DPYD: variants seen among roughly 807,000 people sequenced by gnomAD.
The protein encoded by DPYD is dihydropyrimidine dehydrogenase, also known as dihydropyrimidine dehydrogenase [NADP(+)].
DPYD carries 109 observed loss-of-function variants against 116.2 expected under a neutral mutation model. The ratio of observed to expected loss-of-function variants is 0.94; its 90% CI spans 0.80 to 1.10. DPYD has a LOEUF of 1.10. Among genes scored for constraint, DPYD ranks in the 50% least tolerant of loss-of-function variants. The pLI, the probability that DPYD is intolerant of heterozygous loss-of-function variation, is 0.00. For synonymous variants in DPYD, 440 were observed against 432.0 expected, an observed-to-expected ratio of 1.02 and a Z score of -0.23; for missense variants, 1,302 against 1,254.5, an observed-to-expected ratio of 1.04 and a Z score of -0.57.
intron 3 of DPYD, among the ~76,000 whole-genome samples, chr1:97,789,284 A>C (rs1322388541): frequency 6.6e-6 from 1 of 152,226 alleles, no homozygotes; most frequent in African/African-American, 2.4e-5. Flanking sequence ...CTATCCATAT[A>C]TTACATATTT....
chr1:97,746,455 A>G (rs1204734629), intron 3 of DPYD, among the ~76,000 whole-genome samples: 2 of 152,132 alleles, frequency 1.3e-5, no homozygotes, highest in Non-Finnish European at 2.9e-5. Flanking sequence ...AACTTAGTAC[A>G]TATCACCTTT....
chr1:97,602,409 A>G (rs1655307966), intron 8 of DPYD, among the ~76,000 whole-genome samples: 1 of 152,000 alleles, frequency 6.6e-6, no homozygotes, highest in East Asian at 1.9e-4. Flanking sequence ...GGATGTGAAC[A>G]TATTCTTTAT....
intron 3 of DPYD, among the ~76,000 whole-genome samples, chr1:97,757,783 A>G (rs1665331336): frequency 6.6e-6 from 1 of 152,198 alleles, no homozygotes; most frequent in Non-Finnish European, 1.5e-5. Flanking sequence ...CACATCTTAC[A>G]TACATCAGCT....
intron 20 of DPYD, among the ~76,000 whole-genome samples, chr1:97,100,305 G>A (rs1650571752): frequency 6.6e-6 from 1 of 151,926 alleles, no homozygotes; most frequent in East Asian, 1.9e-4. Flanking sequence ...GATTACACTT[G>A]GTGCCAAAAA....
In DPYD at chr1:97,736,454, G is replaced by A. The variant is rs1159377587; in HGVS notation, c.321+3938C>T. Among the ~76,000 whole-genome samples the A allele has an allele frequency of 4.0e-5, 6 of 150,960 alleles. No individual in the cohort carries two copies. The East Asian group carries it at 7.7e-4, about 19-fold the overall frequency. ...AAATTTTATTTATTCCAAGTAGAAC[G>A]GCTTCCACATGGAAATTGCAACACT... On this transcript the variant is annotated intron_variant, in intron 4 of 22. Transcript: ENST00000370192.
chr1:97,337,844 G>A (rs1210424575), intron 16 of DPYD, among the ~76,000 whole-genome samples: 2 of 152,132 alleles, frequency 1.3e-5, no homozygotes, highest in Non-Finnish European at 2.9e-5. Context: ...CCAATACTGG[G>A]CAAGGGTTAT....
At chr1:97,762,043 T>C (rs1019088678) in intron 3 of DPYD, among the ~76,000 whole-genome samples, 1 of 152,102 alleles carries the variant, frequency 6.6e-6, no homozygotes, top group African/African-American at 2.4e-5. Context: ...ATCAAAAAAC[T>C]ACCTATCATG....
intron 1 of DPYD, among the ~76,000 whole-genome samples, chr1:97,898,390 T>C (rs1003598788): frequency 6.6e-6 from 1 of 151,810 alleles, no homozygotes; most frequent in Non-Finnish European, 1.5e-5. Flanking sequence ...GTCTCTCCAA[T>C]TGAAGGATTC....
chr1:97,469,274 T>C (rs1227793294), intron 13 of DPYD, among the ~76,000 whole-genome samples: 1 of 151,838 alleles, frequency 6.6e-6, no homozygotes, highest in Non-Finnish European at 1.5e-5. Flanking sequence ...CTGATAAATC[T>C]AAGTGCAATA....
intron 14 of DPYD, among the ~76,000 whole-genome samples, chr1:97,383,909 A>T (rs1226349545): frequency 1.3e-5 from 2 of 152,116 alleles, no homozygotes; most frequent in African/African-American, 4.8e-5. Context: ...GAAATTCATG[A>T]CCAACCTGGG....
chr1:97,316,974 A>G (rs998743936), intron 16 of DPYD, among the ~76,000 whole-genome samples: 2 of 151,900 alleles, frequency 1.3e-5, no homozygotes, highest in East Asian at 3.9e-4. Context: ...CACAGGTTCC[A>G]TAGGCCTATC....
At chr1:97,555,820 T>A (rs1034512912) in intron 11 of DPYD, among the ~76,000 whole-genome samples, 1 of 152,136 alleles carries the variant, frequency 6.6e-6, no homozygotes, top group Non-Finnish European at 1.5e-5. Flanking sequence ...TCTGACCTGG[T>A]AGGAATTTTG....
intron 2 of DPYD, among the ~76,000 whole-genome samples, chr1:97,876,581 G>C (rs1450070356): frequency 6.6e-6 from 1 of 151,880 alleles, no homozygotes; most frequent in Non-Finnish European, 1.5e-5. Flanking sequence ...TGGATAGAGG[G>C]CAGGAGATGA....
At chr1:97,174,668 T>C (rs1468990651) in intron 20 of DPYD, among the ~76,000 whole-genome samples, 1 of 152,218 alleles carries the variant, frequency 6.6e-6, no homozygotes, top group Admixed American at 6.5e-5. Flanking sequence ...ATGTCTTTAG[T>C]ATTTCTTATA....
At chr1:97,453,893 A>G (rs1317166247) in intron 13 of DPYD, among the ~76,000 whole-genome samples, 1 of 152,086 alleles carries the variant, frequency 6.6e-6, no homozygotes, top group Non-Finnish European at 1.5e-5. Flanking sequence ...TATGATAGAG[A>G]ATGCTTATTC....
intron 16 of DPYD, among the ~76,000 whole-genome samples, chr1:97,336,339 T>G (rs1166527564): frequency 6.6e-6 from 1 of 152,178 alleles, no homozygotes; most frequent in African/African-American, 2.4e-5. Context: ...GCAAAGATGA[T>G]TTAAAGAACT....
intron 13 of DPYD, among the ~76,000 whole-genome samples, chr1:97,480,426 C>A (rs1408183839): frequency 6.6e-6 from 1 of 152,030 alleles, no homozygotes; most frequent in Non-Finnish European, 1.5e-5. Context: ...ATAGAAAAAA[C>A]TAATGATAGT....
chr1:97,136,549 C>T (rs561899057), intron 20 of DPYD, among the ~76,000 whole-genome samples: 5 of 151,998 alleles, frequency 3.3e-5, no homozygotes, highest in Non-Finnish European at 7.4e-5. Context: ...ATCTTAGTAT[C>T]TCTCTCATGG....
At chr1:97,721,879 T>A (rs959978924) in intron 4 of DPYD, among the ~76,000 whole-genome samples, 3 of 151,612 alleles carry the variant, frequency 2.0e-5, no homozygotes, top group Admixed American at 1.3e-4. Flanking sequence ...GCACAGTATG[T>A]TGATAAATGA....
Sources: allele counts gnomAD v4.1 joint callset (sites outside exome capture counted in the v4.1 genomes callset), GRCh38; gene constraint gnomAD v4.1.1; transcripts MANE v1.5; gene names NCBI Gene and HGNC (gene_info 2026-07-23, HGNC 2026-07-21).